TANC1: variants seen among roughly 807,000 people sequenced by gnomAD.
TANC1 encodes tetratricopeptide repeat, ankyrin repeat and coiled-coil containing 1, also known as protein TANC1.
TANC1 carries 77 observed loss-of-function variants against 149.7 expected under a neutral mutation model. The observed-to-expected ratio is 0.51, with a 90% CI of 0.43 to 0.62. The LOEUF (loss-of-function observed/expected upper bound fraction) is 0.62. Among genes scored for constraint, TANC1 ranks in the 20% least tolerant of loss-of-function variants. TANC1 has a pLI of 0.00. For synonymous variants in TANC1, 854 were observed against 925.0 expected (o/e 0.92, Z 1.39); for missense variants, 1,985 against 2,321.8 (o/e 0.85, Z 2.98).
intron 22 of TANC1, among the ~76,000 whole-genome samples, 198 bp downstream of exon 22, chr2:159,220,065 G>A (rs17604548): frequency 0.086 from 13,032 of 150,998 alleles, 1,203 homozygotes; most frequent in East Asian, 0.23. Flanking sequence ...GTGACATGCA[G>A]TCTATTCCAG....
intron 5 of TANC1, among the ~76,000 whole-genome samples, chr2:159,143,896 A>T (rs910405367): frequency 6.6e-6 from 1 of 151,986 alleles, no homozygotes; most frequent in African/African-American, 2.4e-5. Context: ...TTTTTAATTA[A>T]AATATTAATT....
intron 2 of TANC1, among the ~76,000 whole-genome samples, chr2:159,033,378 A>G (rs2039935176): frequency 6.6e-6 from 1 of 152,154 alleles, no homozygotes; most frequent in South Asian, 2.1e-4. Flanking sequence ...AAGAATCGTA[A>G]ATGTATGACC....
At chr2:158,990,420 A>G (rs1452586613) in intron 1 of TANC1, among the ~76,000 whole-genome samples, 2 of 152,204 alleles carry the variant, frequency 1.3e-5, no homozygotes. Flanking sequence ...CTTAAAATCT[A>G]ATGGGCTAGG....
chr2:159,122,469 A>G (rs2048951885), intron 4 of TANC1, among the ~76,000 whole-genome samples: 1 of 152,188 alleles, frequency 6.6e-6, no homozygotes, highest in Admixed American at 6.5e-5. Flanking sequence ...ATTAACATAG[A>G]GCAAAAATGA....
Position 159,194,406 on chromosome 2 carries a change from G to A in TANC1, c.2892G>A (p.Thr964=), listed in dbSNP as rs747781646. The part of the protein sequence containing the change: ...LLEFGACLDG[T]SENGMTALCY... ...AATTTGGTGCCTGCCTGGACGGAAC[G>A]TCAGAGAACGGCATGACTGCCCTCT... The change falls in exon 17 of 27, where the codon ACG becomes ACA. Residue 964 remains threonine, a synonymous_variant. Coordinates refer to ENST00000263635, the MANE Select transcript of TANC1 (RefSeq NM_033394.3). 17 of 1,614,164 alleles carry A rather than the reference G, an allele frequency of 1.1e-5. No homozygotes were observed. Among genetic ancestry groups the A allele is most frequent in the Middle Eastern group, 1.6e-4 (1 of 6,084 alleles).
At chr2:159,111,322 T>G (rs1462600215) in intron 4 of TANC1, among the ~76,000 whole-genome samples, 1 of 152,188 alleles carries the variant, frequency 6.6e-6, no homozygotes, top group East Asian at 1.9e-4. Flanking sequence ...CGGTTGAAAC[T>G]GAGCACATAG....
At chr2:159,101,828 A>C (rs1298438823) in intron 4 of TANC1, among the ~76,000 whole-genome samples, 1 of 152,204 alleles carries the variant, frequency 6.6e-6, no homozygotes, top group Non-Finnish European at 1.5e-5. Context: ...ATCATGAATG[A>C]ATGAGAAGCA....
At chr2:159,101,432 T>A (rs563911843) in intron 4 of TANC1, among the ~76,000 whole-genome samples, 1 of 152,316 alleles carries the variant, frequency 6.6e-6, no homozygotes, top group East Asian at 1.9e-4. Flanking sequence ...TGACCCTGCA[T>A]GTTACATGAT....
intron 1 of TANC1, among the ~76,000 whole-genome samples, chr2:158,988,269 G>A (rs1305696588): frequency 1.3e-5 from 2 of 150,632 alleles, no homozygotes; most frequent in Non-Finnish European, 3.0e-5. Flanking sequence ...GGAGGTTGCA[G>A]TGAGCTGAGA....
intron 2 of TANC1, among the ~76,000 whole-genome samples, chr2:159,044,978 G>A (rs1409410290): frequency 1.3e-5 from 2 of 152,206 alleles, no homozygotes; most frequent in Admixed American, 6.5e-5. Flanking sequence ...GCCAAAAGGC[G>A]GAGCTTCTCC....
intron 14 of TANC1, 69 bp downstream of exon 14, chr2:159,179,232 G>A (rs757618660): frequency 3.3e-6 from 5 of 1,527,120 alleles, no homozygotes; most frequent in Non-Finnish European, 4.4e-6. Flanking sequence ...GGATTTAAAT[G>A]TGATGCACGT....
Position 159,172,027 on chromosome 2 carries a change from T to C in TANC1, c.1352-94T>C, listed in dbSNP as rs143661362. 1,800 of 1,307,822 alleles carry C rather than the reference T, an allele frequency of 1.4e-3. 25 individuals carry two copies. In the African/African-American group the frequency reaches 0.022, roughly 16 times the overall value. 81.0% of individuals were successfully genotyped at this position (1,307,822 alleles called of 1,614,324 possible). A position where few individuals can be genotyped will look rare whatever the true frequency, so the allele number is the denominator to read the frequency against. ...TTGGACCATGTTCACTCCTTGCTTA[T>C]TAAAATATGCCCTGGCACAAATCAA... On this transcript the variant is annotated intron_variant, in intron 10 of 26. Transcript: ENST00000263635.
At chr2:159,219,977 A>AGAGAGAGTGT in intron 22 of TANC1, 110 bp downstream of exon 22, 2 of 558,970 alleles carry the variant, frequency 3.6e-6, no homozygotes, top group African/African-American at 4.2e-5. Context: ...GTCATCAGAG[A>AGAGAGAGTGT]GTGTGTGTGT....
At chr2:159,112,555 C>CTTTT (rs34643604) in intron 4 of TANC1, among the ~76,000 whole-genome samples, 22 of 130,006 alleles carry the variant, frequency 1.7e-4, no homozygotes, top group African/African-American at 2.3e-4. Context: ...TGCACCCAGC[C>CTTTT]TTTTTTTTTT....
chr2:159,133,619 C>T (rs1053113467), intron 4 of TANC1, among the ~76,000 whole-genome samples: 1 of 151,442 alleles, frequency 6.6e-6, no homozygotes, highest in Admixed American at 6.6e-5. Flanking sequence ...CCCCACAAGT[C>T]TTTTTCCCTA....
intron 16 of TANC1, among the ~76,000 whole-genome samples, chr2:159,187,639 G>A (rs2057100712): frequency 6.6e-6 from 1 of 152,150 alleles, no homozygotes; most frequent in Admixed American, 6.5e-5. Context: ...CAAGCAGCCT[G>A]TTAAGGCCAC....
chr2:159,065,769 G>A (rs1437923768), intron 2 of TANC1, 127 bp from the exon 3 acceptor site: 4 of 635,696 alleles, frequency 6.3e-6, no homozygotes, highest in Non-Finnish European at 1.1e-5. Flanking sequence ...ATTAATGTAA[G>A]GCTTAGGGTA....
At chr2:159,081,653 A>C (rs2044283555) in intron 3 of TANC1, among the ~76,000 whole-genome samples, 1 of 152,196 alleles carries the variant, frequency 6.6e-6, no homozygotes. Flanking sequence ...GTATGGGAGT[A>C]TAGTTGTCTG....
chr2:159,209,112 T>G (rs2058820731), intron 19 of TANC1, among the ~76,000 whole-genome samples: 1 of 152,236 alleles, frequency 6.6e-6, no homozygotes, highest in Non-Finnish European at 1.5e-5. Context: ...GGCTTCCATT[T>G]GTGAGGTCAC....
Sources: allele counts gnomAD v4.1 joint callset (sites outside exome capture counted in the v4.1 genomes callset), GRCh38; gene constraint gnomAD v4.1.1; transcripts MANE v1.5; gene names NCBI Gene and HGNC (gene_info 2026-07-23, HGNC 2026-07-21).